Variants in CACNA1D observed in about 807,000 individuals in gnomAD.
CACNA1D encodes the protein voltage-dependent L-type calcium channel subunit alpha-1D.
CACNA1D carries 55 observed loss-of-function variants against 257.1 expected under a neutral mutation model. The observed-to-expected ratio is 0.21, with a 90% CI of 0.17 to 0.27. The LOEUF (loss-of-function observed/expected upper bound fraction) is 0.27, where lower values mean the gene tolerates loss of function less well. Ranked by LOEUF, CACNA1D falls within the 10% of genes least tolerant of loss-of-function variation. The pLI is 1.00. For missense variants in CACNA1D, 1,876 were observed against 2,784.0 expected, an observed-to-expected ratio of 0.67 and a Z score of 7.34; for synonymous variants, 980 against 1,014.9, an observed-to-expected ratio of 0.97 and a Z score of 0.65.
intron 3 of CACNA1D, among the ~76,000 whole-genome samples, chr3:53,567,689 C>T (rs2107671576): frequency 6.6e-6 from 1 of 152,266 alleles, no homozygotes; most frequent in South Asian, 2.1e-4. Flanking sequence ...TAAGCCAAGC[C>T]CAAAGTCTGG....
chr3:53,591,725 T>C (rs985998768), intron 3 of CACNA1D, among the ~76,000 whole-genome samples: 10 of 152,190 alleles, frequency 6.6e-5, no homozygotes, highest in Non-Finnish European at 1.0e-4. Context: ...CAATGTTTCC[T>C]CTCCCAGGAA....
chr3:53,673,580 G>A lies in CACNA1D; in HGVS notation c.1220+454G>A. 2.9e-6 allele frequency: 2 copies of A among 683,980 alleles called. No homozygotes were observed. Among genetic ancestry groups the A allele is most frequent in the Middle Eastern group, 2.5e-4 (1 of 3,958 alleles). 42.4% of individuals were successfully genotyped at this position (683,980 alleles called of 1,614,324 possible). A position where few individuals can be genotyped will look rare whatever the true frequency, so the allele number is the denominator to read the frequency against. ...ATTTGCAGAAAAAAAAAAAAAAAGGGAAGGACCTAGGCCCAGTCCCTGTCC... is the reference window on the plus strand; with the variant it reads ...ATTTGCAGAAAAAAAAAAAAAAAGGAAAGGACCTAGGCCCAGTCCCTGTCC... On this transcript the variant is annotated intron_variant, in intron 8 of 47. Coordinates refer to ENST00000350061, the MANE Select transcript of CACNA1D (RefSeq NM_001128840.3). This position sits in a 1 kb window ranked among gnomAD's most constrained non-coding sequence, Gnocchi z 4.1.
intron 3 of CACNA1D, among the ~76,000 whole-genome samples, chr3:53,629,663 C>T (rs987767808): frequency 9.2e-5 from 14 of 152,154 alleles, no homozygotes; most frequent in Admixed American, 6.5e-5. Flanking sequence ...TCCCTTCTTT[C>T]GTTTTTCTCC....
chr3:53,699,870 T>C (rs984945757), intron 8 of CACNA1D, among the ~76,000 whole-genome samples: 1 of 152,086 alleles, frequency 6.6e-6, no homozygotes, highest in African/African-American at 2.4e-5. Flanking sequence ...GTTTTACTTA[T>C]GCCTGCTTAC....
chr3:53,569,058 T>G (rs917739752), intron 3 of CACNA1D, among the ~76,000 whole-genome samples: 1 of 152,184 alleles, frequency 6.6e-6, no homozygotes, highest in Non-Finnish European at 1.5e-5. Context: ...ACTTTCCTGG[T>G]GTTCCCCCCA....
At chr3:53,623,858 C>G (rs992517061) in intron 3 of CACNA1D, among the ~76,000 whole-genome samples, 9 of 152,186 alleles carry the variant, frequency 5.9e-5, no homozygotes, top group African/African-American at 1.4e-4. Context: ...TTTAGAATTG[C>G]TTTCACTCTC....
chr3:53,776,351 T>C (rs533791208), intron 35 of CACNA1D, among the ~76,000 whole-genome samples: 1 of 152,346 alleles, frequency 6.6e-6, no homozygotes, highest in East Asian at 1.9e-4. Flanking sequence ...GTGTGAATTA[T>C]TTGGTGATAA....
chr3:53,811,645 C>G lies in CACNA1D; in HGVS notation c.*239C>G. On this transcript the variant is annotated 3_prime_UTR_variant, in exon 48 of 48. Transcript: ENST00000350061. The surrounding 1 kb of genome is among the most constrained non-coding windows in gnomAD (Gnocchi z 4.2). Reference sequence around the variant, plus strand: ...CCCCAGCTGCAGGAAACAGCAGGCCCCGCCCTCTCACAGAGGATGGGTGAG... The same window carrying G: ...CCCCAGCTGCAGGAAACAGCAGGCCGCGCCCTCTCACAGAGGATGGGTGAG... 1 of 423,446 alleles carries G rather than the reference C, an allele frequency of 2.4e-6. No individual in the cohort carries two copies. The highest frequency in any genetic ancestry group is 4.2e-6 in the Non-Finnish European group (1 of 237,754). The allele number at this position is 423,446 out of a possible 1,614,324, so 26.2% of individuals were successfully genotyped here.
At chr3:53,587,953 T>C (rs1014193725) in intron 3 of CACNA1D, among the ~76,000 whole-genome samples, 63 of 152,288 alleles carry the variant, frequency 4.1e-4, no homozygotes, top group Admixed American at 4.1e-3. Context: ...TGGCTGCACA[T>C]TCCATCAAGT....
chr3:53,682,541 A>T (rs2094442529), intron 8 of CACNA1D, among the ~76,000 whole-genome samples: 1 of 145,826 alleles, frequency 6.9e-6, no homozygotes, highest in Non-Finnish European at 1.5e-5. Flanking sequence ...TGGGGAGCAG[A>T]GTGAGACCCT....
intron 3 of CACNA1D, among the ~76,000 whole-genome samples, chr3:53,534,253 C>T (rs1313131151): frequency 6.6e-6 from 1 of 152,194 alleles, no homozygotes; most frequent in Non-Finnish European, 1.5e-5. Context: ...GGCCTCGCCT[C>T]CCTGCCCCTC....
At chr3:53,716,366 G>T (rs141665760) in intron 9 of CACNA1D, among the ~76,000 whole-genome samples, 1 of 152,182 alleles carries the variant, frequency 6.6e-6, no homozygotes, top group East Asian at 1.9e-4. Flanking sequence ...GGAAAATGCC[G>T]CACAGAGTTA....
intron 8 of CACNA1D, 114 bp from the exon 9 acceptor site, chr3:53,702,527 T>A: frequency 1.0e-6 from 1 of 957,248 alleles, no homozygotes; most frequent in South Asian, 1.4e-5. Flanking sequence ...CTCATGTGAC[T>A]ATACTCAGTG....
chr3:53,641,099 G>T (rs758878325), intron 3 of CACNA1D, among the ~76,000 whole-genome samples: 1 of 152,180 alleles, frequency 6.6e-6, no homozygotes, highest in Non-Finnish European at 1.5e-5. Flanking sequence ...GGCTGTGGGA[G>T]CTGAGGGACT....
intron 8 of CACNA1D, among the ~76,000 whole-genome samples, chr3:53,675,728 C>T (rs1223284430): frequency 6.6e-6 from 1 of 152,120 alleles, no homozygotes; most frequent in Non-Finnish European, 1.5e-5. Context: ...AACCAGTTTA[C>T]TGAAATATAT....
intron 8 of CACNA1D, among the ~76,000 whole-genome samples, chr3:53,691,711 T>TATATATATTACATATATA (rs1559521932): frequency 1.7e-4 from 8 of 48,180 alleles, no homozygotes; most frequent in East Asian, 5.3e-4. Context: ...ACATATATAA[T>TATATATATTACATATATA]ATATATATTA....
chr3:53,729,294 G>A (rs955905748), intron 15 of CACNA1D, among the ~76,000 whole-genome samples: 10 of 152,160 alleles, frequency 6.6e-5, no homozygotes, highest in Admixed American at 1.3e-4. Context: ...TTAGTCAGGC[G>A]TGCTATTCCC....
chr3:53,531,577 A>AC (rs2091950797), intron 3 of CACNA1D, among the ~76,000 whole-genome samples: 1 of 151,850 alleles, frequency 6.6e-6, no homozygotes, highest in African/African-American at 2.4e-5. Flanking sequence ...CTCTGGATTG[A>AC]CCCCCCTGGA....
intron 22 of CACNA1D, 33 bp from the exon 23 acceptor site, chr3:53,744,707 G>T: frequency 8.6e-7 from 1 of 1,166,644 alleles, no homozygotes. Context: ...TTTATAACAC[G>T]CTCTGCCTGC....
Sources: allele counts gnomAD v4.1 joint callset (sites outside exome capture counted in the v4.1 genomes callset), GRCh38; gene constraint gnomAD v4.1.1; non-coding constraint Gnocchi (gnomAD v3.1); transcripts MANE v1.5; gene names NCBI Gene and HGNC (gene_info 2026-07-23, HGNC 2026-07-21).